PHF21A: variants seen among roughly 807,000 people sequenced by gnomAD.
The protein encoded by PHF21A is BHC80a.
A neutral mutation model predicts 82.5 loss-of-function variants in PHF21A; 11 were observed. The ratio of observed to expected loss-of-function variants is 0.13; its 90% CI spans 0.08 to 0.22. The LOEUF (loss-of-function observed/expected upper bound fraction) is 0.22. Ranked by LOEUF, PHF21A falls within the 10% of genes least tolerant of loss-of-function variation. The probability of loss-of-function intolerance (pLI) is 1.00; values close to 1 mark genes in which losing one functional copy is unlikely to be tolerated. For missense variants in PHF21A, 579 were observed against 837.8 expected, an observed-to-expected ratio of 0.69 and a Z score of 3.81; for synonymous variants, 297 against 302.8, an observed-to-expected ratio of 0.98 and a Z score of 0.20.
chr11:46,085,441 G>A (rs372741151), intron 3 of PHF21A, among the ~76,000 whole-genome samples: 48 of 152,156 alleles, frequency 3.2e-4, no homozygotes, highest in African/African-American at 1.1e-3. Context: ...AAATTATTTC[G>A]ATGGCTAATT....
intron 6 of PHF21A, among the ~76,000 whole-genome samples, chr11:45,984,589 C>T (rs2094432251): frequency 6.6e-6 from 1 of 152,202 alleles, no homozygotes; most frequent in South Asian, 2.1e-4. Flanking sequence ...AAATCAGGTT[C>T]GTTTTTCCAC....
At chr11:46,089,990 G>A (rs1478761605) in intron 3 of PHF21A, among the ~76,000 whole-genome samples, 1 of 151,780 alleles carries the variant, frequency 6.6e-6, no homozygotes, top group Non-Finnish European at 1.5e-5. Context: ...CCAATATACA[G>A]TTTCTACCTC....
chr11:45,949,851 A>T (rs1252859519), intron 12 of PHF21A, among the ~76,000 whole-genome samples: 2 of 152,230 alleles, frequency 1.3e-5, no homozygotes, highest in Non-Finnish European at 2.9e-5. Flanking sequence ...GGACAGGTAT[A>T]GCTTTGTAAC....
chr11:46,027,234 C>T (rs1385051381), intron 6 of PHF21A, among the ~76,000 whole-genome samples: 2 of 152,126 alleles, frequency 1.3e-5, no homozygotes, highest in Non-Finnish European at 2.9e-5. Flanking sequence ...AAGTTTTCTC[C>T]GTGCTAACAG....
chr11:46,088,665 T>G (rs2096884768), intron 3 of PHF21A, among the ~76,000 whole-genome samples: 1 of 152,220 alleles, frequency 6.6e-6, no homozygotes, highest in Admixed American at 6.5e-5. Context: ...ACTGTTGTGG[T>G]TTAAATAAGG....
chr11:46,055,155 G>C (rs2096433646), intron 6 of PHF21A, among the ~76,000 whole-genome samples: 1 of 152,114 alleles, frequency 6.6e-6, no homozygotes, highest in Non-Finnish European at 1.5e-5. Context: ...GAAGCAATCT[G>C]AATGTAGAAT....
chr11:46,079,257 G>GCTA, intron 4 of PHF21A, 91 bp from the exon 5 acceptor site: 1 of 863,884 alleles, frequency 1.2e-6, no homozygotes. Flanking sequence ...AGGATTTTAA[G>GCTA]TTAACACAAA....
chr11:45,997,264 T>C (rs1373599202), intron 6 of PHF21A, among the ~76,000 whole-genome samples: 1 of 152,208 alleles, frequency 6.6e-6, no homozygotes, highest in Non-Finnish European at 1.5e-5. Flanking sequence ...CATTACAAAC[T>C]TACATTGCTG....
chr11:46,008,362 A>G (rs1016829891), intron 6 of PHF21A, among the ~76,000 whole-genome samples: 2 of 152,206 alleles, frequency 1.3e-5, no homozygotes, highest in African/African-American at 4.8e-5. Flanking sequence ...ACTATGGACC[A>G]CATATGGCCT....
At chr11:46,024,304 A>T (rs1369267390) in intron 6 of PHF21A, among the ~76,000 whole-genome samples, 1 of 151,674 alleles carries the variant, frequency 6.6e-6, no homozygotes, top group East Asian at 1.9e-4. Context: ...CTCTCCCTAT[A>T]TCTCTTTCCT....
At chr11:46,074,933 C>T (rs921888594) in intron 6 of PHF21A, among the ~76,000 whole-genome samples, 1 of 152,192 alleles carries the variant, frequency 6.6e-6, no homozygotes, top group South Asian at 2.1e-4. Context: ...TTTTCTGTTC[C>T]ATCAAGAAGG....
intron 2 of PHF21A, among the ~76,000 whole-genome samples, chr11:46,090,906 G>C (rs1036783895): frequency 6.6e-6 from 1 of 151,974 alleles, no homozygotes; most frequent in African/African-American, 2.4e-5. Flanking sequence ...CATTGCCAAA[G>C]TCTGATTTTT....
At chr11:46,068,832 C>T (rs181424532) in intron 6 of PHF21A, among the ~76,000 whole-genome samples, 2 of 152,324 alleles carry the variant, frequency 1.3e-5, no homozygotes, top group African/African-American at 4.8e-5. Context: ...AAGAGGATTG[C>T]TCTGCCTTAA....
chr11:46,066,567 T>G (rs1456196453), intron 6 of PHF21A, among the ~76,000 whole-genome samples: 2 of 152,058 alleles, frequency 1.3e-5, no homozygotes, highest in Non-Finnish European at 1.5e-5. Context: ...GGCGTGACAG[T>G]GCATGCCTGT....
At chr11:45,962,818 G>A (rs1461232484) in intron 10 of PHF21A, among the ~76,000 whole-genome samples, 4 of 151,806 alleles carry the variant, frequency 2.6e-5, no homozygotes, top group Non-Finnish European at 4.4e-5. Context: ...GCATGAACCC[G>A]GGAGGCGGAG....
chr11:45,992,365 T>C lies in PHF21A; in HGVS notation c.154-12399A>G, dbSNP rs1166638496. On this transcript the variant is annotated intron_variant, in intron 6 of 18. Transcript: ENST00000676320. ...GGCTAACATGGTGAAACCCCGTCTA[T>C]ACTAAAAATACAAAAAAAAAAAAAA... is the stretch of plus-strand genomic sequence containing the variant. Among the ~76,000 whole-genome samples the C allele has an allele frequency of 4.3e-5, 6 of 141,160 alleles. No homozygotes were observed. In the East Asian group the frequency reaches 1.6e-3, roughly 37 times the overall value. The allele number at this position is 141,160 out of a possible 152,430, so 92.6% of individuals were successfully genotyped here. A position where few individuals can be genotyped will look rare whatever the true frequency, so the allele number is the denominator to read the frequency against.
intron 1 of PHF21A, among the ~76,000 whole-genome samples, chr11:46,101,146 G>A (rs2097090740): frequency 6.6e-6 from 1 of 152,152 alleles, no homozygotes; most frequent in South Asian, 2.1e-4. Flanking sequence ...AAGAACACAA[G>A]CTCAAAACTA....
At chr11:46,120,635 G>A (rs1315393593) in intron 1 of PHF21A, 2 of 152,146 alleles carry the variant, frequency 1.3e-5, no homozygotes, top group Non-Finnish European at 2.9e-5. Flanking sequence ...GGCACGCAGG[G>A]GGGCGCCCCG....
At chr11:46,030,904 GGA>G (rs1407926600) in intron 6 of PHF21A, among the ~76,000 whole-genome samples, 1 of 151,494 alleles carries the variant, frequency 6.6e-6, no homozygotes, top group Non-Finnish European at 1.5e-5. Context: ...TGGGGGAAGT[GGA>G]GGAGACTGAC....
Sources: gnomAD v4.1 joint callset for allele counts (sites outside exome capture counted in the v4.1 genomes callset) on GRCh38, gnomAD v4.1.1 for gene constraint, MANE v1.5 for transcripts, NCBI Gene and HGNC (gene_info 2026-07-23, HGNC 2026-07-21) for gene names.